The following EBF3 variants were observed in gnomAD, a reference collection of about 807,000 sequenced individuals.
EBF3 encodes EBF transcription factor 3, also known as transcription factor COE3.
Under a neutral mutation model 77.1 loss-of-function variants are expected in EBF3, and 18 were observed. That is an observed-to-expected ratio of 0.23 (90% CI 0.16 to 0.35). EBF3 has a LOEUF of 0.35. EBF3 is among the 10% of genes least tolerant of loss of function. The pLI is 1.00. For synonymous variants in EBF3, 350 were observed against 343.5 expected, an observed-to-expected ratio of 1.02 and a Z score of -0.21; for missense variants, 558 against 860.0, an observed-to-expected ratio of 0.65 and a Z score of 4.39.
chr10:129,916,485 C>A (rs1037515249), intron 6 of EBF3, among the ~76,000 whole-genome samples: 1 of 152,230 alleles, frequency 6.6e-6, no homozygotes, highest in African/African-American at 2.4e-5. Context: ...GAATGATTAT[C>A]CGTGCGGGGC....
Position 129,952,444 on chromosome 10 carries a change from A to C in EBF3, c.554+4814T>G, listed in dbSNP as rs1243800746. On this transcript the variant is annotated intron_variant, in intron 6 of 16. Coordinates refer to ENST00000440978, the MANE Select transcript of EBF3 (RefSeq NM_001375380.1). This position sits in a 1 kb window ranked among gnomAD's most constrained non-coding sequence, Gnocchi z 4.7. ...CTTGACAGGCCGGGGCTTAGCCAAA[A>C]TGTAAATGACATTAAAGAAGACAAT... is the stretch of plus-strand genomic sequence containing the variant. Among the ~76,000 whole-genome samples the C allele has an allele frequency of 6.6e-6, 1 of 152,244 alleles. No homozygotes were observed. The highest frequency in any genetic ancestry group is 1.5e-5 in the Non-Finnish European group (1 of 68,048).
At chr10:129,865,521 C>A (rs1051490513) in intron 10 of EBF3, among the ~76,000 whole-genome samples, 1 of 152,142 alleles carries the variant, frequency 6.6e-6, no homozygotes, top group African/African-American at 2.4e-5. Flanking sequence ...GTGTGCTGGT[C>A]CCACAGAAGG....
intron 6 of EBF3, among the ~76,000 whole-genome samples, chr10:129,920,677 C>G (rs889135857): frequency 6.6e-6 from 1 of 152,266 alleles, no homozygotes; most frequent in Non-Finnish European, 1.5e-5. Context: ...GAAAGCCACG[C>G]TTTTGAAAGC....
At position 129,963,264 on chromosome 10, in the gene EBF3, G is replaced by A; in HGVS notation, c.291+103C>T. On this transcript the variant is annotated intron_variant, in intron 2 of 16. Coordinates refer to ENST00000440978, the MANE Select transcript of EBF3 (RefSeq NM_001375380.1). This position sits in a 1 kb window ranked among gnomAD's most constrained non-coding sequence, Gnocchi z 7.1. ...GGCGGCGGCGGGGTGGCCTGGCGGA[G>A]CCGAGCCCGCCGCCTAGGGGGGCAC... The A allele has an allele frequency of 2.0e-6, 3 of 1,477,806 alleles. No individual in the cohort carries two copies. Among genetic ancestry groups the A allele is most frequent in the Non-Finnish European group, 2.7e-6 (3 of 1,116,066 alleles). The allele number at this position is 1,477,806 out of a possible 1,614,324, so 91.5% of individuals were successfully genotyped here. A position where few individuals can be genotyped will look rare whatever the true frequency, so the allele number is the denominator to read the frequency against.
chr10:129,915,796 G>A (rs531120524), intron 6 of EBF3, among the ~76,000 whole-genome samples: 2 of 152,324 alleles, frequency 1.3e-5, no homozygotes, highest in South Asian at 2.1e-4. Context: ...AATTTGGGTT[G>A]CACTAAATTC....
rs1233884441 is a variant in EBF3, at chr10:129,945,218, C to T, written c.554+12040G>A. On this transcript the variant is annotated intron_variant, in intron 6 of 16. Coordinates refer to ENST00000440978, the MANE Select transcript of EBF3 (RefSeq NM_001375380.1). ...GCCTGGGGGGATCTGGAGGCAGAAGCGAGAAAGGAAGCAGAGGGAGGGAGG... is the reference window on the plus strand; with the variant it reads ...GCCTGGGGGGATCTGGAGGCAGAAGTGAGAAAGGAAGCAGAGGGAGGGAGG... 5.8e-4 allele frequency among the ~76,000 whole-genome samples: 80 copies of T among 137,810 alleles called. 1 individual carries two copies. The highest frequency in any genetic ancestry group is 2.0e-3 in the African/African-American group (73 of 36,136). The allele number at this position is 137,810 out of a possible 152,430, so 90.4% of individuals were successfully genotyped here. A position where few individuals can be genotyped will look rare whatever the true frequency, so the allele number is the denominator to read the frequency against.
intron 4 of EBF3, among the ~76,000 whole-genome samples, 193 bp from the exon 5 acceptor site, chr10:129,959,200 C>T (rs1859282275): frequency 6.6e-6 from 1 of 152,164 alleles, no homozygotes; most frequent in African/African-American, 2.4e-5. Flanking sequence ...GCTTCTCCCT[C>T]CCCTGCCTCC....
chr10:129,871,721 G>T (rs1181799736), intron 8 of EBF3, among the ~76,000 whole-genome samples: 1 of 152,078 alleles, frequency 6.6e-6, no homozygotes, highest in Admixed American at 6.5e-5. Flanking sequence ...TGATAACTGG[G>T]TATTAATTAC....
chr10:129,896,795 G>A (rs1201995616), intron 6 of EBF3, among the ~76,000 whole-genome samples: 1 of 152,228 alleles, frequency 6.6e-6, no homozygotes, highest in Non-Finnish European at 1.5e-5. Flanking sequence ...CTGAGAGCTG[G>A]TGACACGCCC....
intron 6 of EBF3, among the ~76,000 whole-genome samples, chr10:129,895,886 T>C (rs1854336625): frequency 6.6e-6 from 1 of 152,210 alleles, no homozygotes; most frequent in African/African-American, 2.4e-5. Flanking sequence ...AAAGAATCCG[T>C]AATGTGGGAC....
chr10:129,942,343 T>A (rs1857818371), intron 6 of EBF3, among the ~76,000 whole-genome samples: 1 of 152,042 alleles, frequency 6.6e-6, no homozygotes, highest in Admixed American at 6.5e-5. Context: ...TTGACAAAAA[T>A]AAACCCCCAA....
chr10:129,872,870 C>A (rs954763629), intron 8 of EBF3, among the ~76,000 whole-genome samples: 72 of 152,282 alleles, frequency 4.7e-4, no homozygotes, highest in African/African-American at 1.4e-3. Flanking sequence ...TACCTACCAC[C>A]CTTATGGAAA....
intron 10 of EBF3, among the ~76,000 whole-genome samples, chr10:129,856,308 C>T (rs1851248702): frequency 6.6e-6 from 1 of 152,110 alleles, no homozygotes; most frequent in South Asian, 2.1e-4. Flanking sequence ...ATGTTCCTGG[C>T]AGTGTTTTCC....
At chr10:129,884,747 C>T (rs539274739) in intron 6 of EBF3, among the ~76,000 whole-genome samples, 14 of 152,270 alleles carry the variant, frequency 9.2e-5, no homozygotes, top group African/African-American at 2.6e-4. Context: ...CGAGCACACA[C>T]GCTATCCTGC....
intron 3 of EBF3, among the ~76,000 whole-genome samples, 154 bp downstream of exon 3, chr10:129,962,788 A>G (rs528814170): frequency 6.6e-6 from 1 of 152,276 alleles, no homozygotes. Flanking sequence ...CCATCGACTT[A>G]TTGATCGTTT....
chr10:129,950,295 G>A (rs992452836), intron 6 of EBF3, among the ~76,000 whole-genome samples: 3 of 152,170 alleles, frequency 2.0e-5, no homozygotes, highest in African/African-American at 7.2e-5. Context: ...CAGAGGATGC[G>A]CCCCATCCAC....
In EBF3 at chr10:129,935,294, G is replaced by A. The variant is rs3930546; in HGVS notation, c.554+21964C>T. On this transcript the variant is annotated intron_variant, in intron 6 of 16. Transcript: ENST00000440978. This position sits in a 1 kb window ranked among gnomAD's most constrained non-coding sequence, Gnocchi z 4.2. Reference sequence around the variant, plus strand: ...CACCCAGAGTGGAGTTGGGAACCAGGCTTGGATCTGCCCAGTGACTGGCGG... The same window carrying A: ...CACCCAGAGTGGAGTTGGGAACCAGACTTGGATCTGCCCAGTGACTGGCGG... Among the ~76,000 whole-genome samples the A allele has an allele frequency of 0.7, 105,605 of 151,908 alleles. 36,889 individuals are homozygous for A. Among genetic ancestry groups the A allele is most frequent in the East Asian group, 0.92 (4,706 of 5,122 alleles).
At chr10:129,860,361 C>T (rs1167001376) in intron 10 of EBF3, among the ~76,000 whole-genome samples, 1 of 152,126 alleles carries the variant, frequency 6.6e-6, no homozygotes, top group Non-Finnish European at 1.5e-5. Flanking sequence ...CCTCTGCCAT[C>T]CTCAACCCAA....
chr10:129,952,264 C>T lies in EBF3; in HGVS notation c.554+4994G>A, dbSNP rs1038636930. 1.3e-5 allele frequency among the ~76,000 whole-genome samples: 2 copies of T among 152,198 alleles called. No homozygotes were observed. Among genetic ancestry groups the T allele is most frequent in the Non-Finnish European group, 2.9e-5 (2 of 68,046 alleles). On this transcript the variant is annotated intron_variant, in intron 6 of 16. Transcript: ENST00000440978. The surrounding 1 kb of genome is among the most constrained non-coding windows in gnomAD (Gnocchi z 4.7). Reference sequence around the variant, plus strand: ...CTGAGAAGGAAAAATTAACACCAAACTATACTGTTTTCATTGCATTATGCA... The same window carrying T: ...CTGAGAAGGAAAAATTAACACCAAATTATACTGTTTTCATTGCATTATGCA...
Sources: gnomAD v4.1 joint callset for allele counts (sites outside exome capture counted in the v4.1 genomes callset) on GRCh38, gnomAD v4.1.1 for gene constraint, Gnocchi (gnomAD v3.1) non-coding constraint, MANE v1.5 for transcripts, NCBI Gene and HGNC (gene_info 2026-07-23, HGNC 2026-07-21) for gene names.